The following PRICKLE1 variants were observed in gnomAD, a reference collection of about 807,000 sequenced individuals.
PRICKLE1 encodes prickle planar cell polarity protein 1, also known as prickle-like protein 1.
In PRICKLE1, 14 loss-of-function variants were observed where a neutral mutation model predicts 70.2. That is an observed-to-expected ratio of 0.20 (90% CI 0.13 to 0.31). The LOEUF (loss-of-function observed/expected upper bound fraction) is 0.31, where lower values mean the gene tolerates loss of function less well. PRICKLE1 is among the 10% of genes least tolerant of loss of function. The probability of loss-of-function intolerance (pLI) is 1.00; values close to 1 mark genes in which losing one functional copy is unlikely to be tolerated. For missense variants in PRICKLE1, 821 were observed against 1,026.2 expected (o/e 0.80, Z 2.73); for synonymous variants, 357 against 379.9 (o/e 0.94, Z 0.70).
At chr12:42,548,429 G>A (rs751510742) in intron 1 of PRICKLE1, among the ~76,000 whole-genome samples, 17 of 152,160 alleles carry the variant, frequency 1.1e-4, no homozygotes, top group Non-Finnish European at 2.4e-4. Context: ...GTAAGCATAA[G>A]TCAATATAGA....
In PRICKLE1 at chr12:42,559,620, A is replaced by T. The variant is rs1175766592; in HGVS notation, c.-49+29845T>A. On this transcript the variant is annotated intron_variant, in intron 1 of 7. Coordinates refer to ENST00000345127, the MANE Select transcript of PRICKLE1 (RefSeq NM_153026.3). ...TGTGTGTGTGTGTATATATATATAT[A>T]TATATTTTTTTTTTTTGGGGGGGGT... Among the ~76,000 whole-genome samples, 78 of 63,574 alleles carry T rather than the reference A, an allele frequency of 1.2e-3. 3 individuals carry two copies. The South Asian group carries it at 0.021, about 17-fold the overall frequency. 41.7% of individuals were successfully genotyped at this position (63,574 alleles called of 152,430 possible). A position where few individuals can be genotyped will look rare whatever the true frequency, so the allele number is the denominator to read the frequency against.
intron 1 of PRICKLE1, among the ~76,000 whole-genome samples, chr12:42,513,486 A>G (rs187211789): frequency 3.3e-5 from 5 of 152,194 alleles, no homozygotes; most frequent in African/African-American, 1.2e-4. Flanking sequence ...CAGGAGTTCT[A>G]GGCTGCAGCG....
chr12:42,482,356 T>C (rs925822383), intron 1 of PRICKLE1, among the ~76,000 whole-genome samples: 2 of 152,200 alleles, frequency 1.3e-5, no homozygotes, highest in Non-Finnish European at 2.9e-5. Flanking sequence ...CCAAAATGCA[T>C]GCCATGGAAT....
intron 1 of PRICKLE1, among the ~76,000 whole-genome samples, chr12:42,563,702 CAAA>C (rs11367725): frequency 0.013 from 600 of 46,452 alleles, 3 homozygotes; most frequent in African/African-American, 0.042. Flanking sequence ...GACTCTGTCT[CAAA>C]AAAAAAAAAA....
intron 1 of PRICKLE1, among the ~76,000 whole-genome samples, chr12:42,527,413 A>G (rs11181541): frequency 0.59 from 89,808 of 151,766 alleles, 26,797 homozygotes; most frequent in East Asian, 0.77. Context: ...GATTACAGGC[A>G]TGAGCTACCA....
chr12:42,581,539 G>A (rs1940899996), intron 1 of PRICKLE1, among the ~76,000 whole-genome samples: 1 of 152,078 alleles, frequency 6.6e-6, no homozygotes, highest in South Asian at 2.1e-4. Context: ...GAGGTCAGGA[G>A]TTCAAGACCA....
At chr12:42,572,175 T>C (rs1048764724) in intron 1 of PRICKLE1, among the ~76,000 whole-genome samples, 1 of 152,172 alleles carries the variant, frequency 6.6e-6, no homozygotes, top group Non-Finnish European at 1.5e-5. Flanking sequence ...GGCTTATGCT[T>C]GTAATCCCAG....
intron 1 of PRICKLE1, among the ~76,000 whole-genome samples, chr12:42,576,939 T>A (rs1315637216): frequency 6.6e-6 from 1 of 152,254 alleles, no homozygotes. Flanking sequence ...TTTCACTACA[T>A]ACTGCATAGT....
At chr12:42,554,573 C>T (rs2120670947) in intron 1 of PRICKLE1, among the ~76,000 whole-genome samples, 1 of 152,204 alleles carries the variant, frequency 6.6e-6, no homozygotes, top group Non-Finnish European at 1.5e-5. Flanking sequence ...TTGCAGTTTA[C>T]AAGTTACTCA....
chr12:42,543,786 G>T (rs1055369115), intron 1 of PRICKLE1, among the ~76,000 whole-genome samples: 2 of 152,112 alleles, frequency 1.3e-5, no homozygotes, highest in African/African-American at 2.4e-5. Flanking sequence ...CTCCCAAAGT[G>T]CTGGGATTAC....
intron 1 of PRICKLE1, among the ~76,000 whole-genome samples, chr12:42,521,906 G>A (rs1939714341): frequency 6.9e-6 from 1 of 144,524 alleles, no homozygotes. Context: ...AATATTTCAA[G>A]TGAAATCAGT....
intron 1 of PRICKLE1, among the ~76,000 whole-genome samples, chr12:42,492,492 A>G (rs887080251): frequency 6.6e-6 from 1 of 152,242 alleles, no homozygotes; most frequent in Non-Finnish European, 1.5e-5. Context: ...TATTTCGAGC[A>G]GCCAGAAGCC....
At chr12:42,510,530 A>T (rs1354018061) in intron 1 of PRICKLE1, among the ~76,000 whole-genome samples, 1 of 152,204 alleles carries the variant, frequency 6.6e-6, no homozygotes, top group Admixed American at 6.5e-5. Flanking sequence ...CCCTGTCTTG[A>T]TTAAATTTTG....
At chr12:42,529,340 T>C (rs1939867167) in intron 1 of PRICKLE1, among the ~76,000 whole-genome samples, 1 of 152,384 alleles carries the variant, frequency 6.6e-6, no homozygotes, top group South Asian at 2.1e-4. Context: ...CTATTAATTA[T>C]GTAGACAGGG....
In PRICKLE1 at chr12:42,458,720, G is replaced by A. The variant is rs1358729222; in HGVS notation, c.*1089C>T. The stretch of plus-strand genomic sequence containing the variant: ...AAAGCAGATCTTTGTCATTTCCCAT[G>A]AGATAATCATCACCTTGCTGAAAAT... On this transcript the variant is annotated 3_prime_UTR_variant, in exon 8 of 8. Coordinates refer to ENST00000345127, the MANE Select transcript of PRICKLE1 (RefSeq NM_153026.3). The A allele has an allele frequency of 1.3e-5, 2 of 152,198 alleles. No homozygotes were observed. Among genetic ancestry groups the A allele is most frequent in the Non-Finnish European group, 2.9e-5 (2 of 68,062 alleles). The allele number at this position is 152,198 out of a possible 1,614,324, so 9.4% of individuals were successfully genotyped here.
chr12:42,471,557 A>G (rs1269823296), intron 2 of PRICKLE1, among the ~76,000 whole-genome samples: 1 of 152,198 alleles, frequency 6.6e-6, no homozygotes, highest in Non-Finnish European at 1.5e-5. Flanking sequence ...CACTTACTGA[A>G]TATCAGCTAC....
intron 1 of PRICKLE1, among the ~76,000 whole-genome samples, chr12:42,518,071 G>A (rs1043137931): frequency 1.3e-5 from 2 of 151,462 alleles, no homozygotes; most frequent in African/African-American, 4.8e-5. Context: ...TGTAAAAGTT[G>A]GTTAAATTAA....
intron 1 of PRICKLE1, among the ~76,000 whole-genome samples, chr12:42,584,130 A>T (rs1299385899): frequency 6.6e-6 from 1 of 152,312 alleles, no homozygotes; most frequent in East Asian, 1.9e-4. Flanking sequence ...AAATCGTGAA[A>T]TTATGTGCTG....
At chr12:42,539,357 A>C (rs1940068306) in intron 1 of PRICKLE1, among the ~76,000 whole-genome samples, 1 of 151,642 alleles carries the variant, frequency 6.6e-6, no homozygotes, top group Non-Finnish European at 1.5e-5. Flanking sequence ...AGTCCCAGCT[A>C]CTCGGGAGGC....
Sources: gnomAD v4.1 joint callset for allele counts (sites outside exome capture counted in the v4.1 genomes callset) on GRCh38, gnomAD v4.1.1 for gene constraint, MANE v1.5 for transcripts, NCBI Gene and HGNC (gene_info 2026-07-23, HGNC 2026-07-21) for gene names.